The following SIPA1L1 variants were observed in gnomAD, a reference collection of about 807,000 sequenced individuals.
SIPA1L1 encodes signal-induced proliferation-associated 1-like protein 1.
SIPA1L1 carries 26 observed loss-of-function variants against 162.7 expected under a neutral mutation model. That is an observed-to-expected ratio of 0.16 (90% CI 0.12 to 0.22). SIPA1L1 has a LOEUF of 0.22. Ranked by LOEUF, SIPA1L1 falls within the 10% of genes least tolerant of loss-of-function variation. SIPA1L1 has a pLI of 1.00. For synonymous variants in SIPA1L1, 829 were observed against 837.4 expected, an observed-to-expected ratio of 0.99 and a Z score of 0.17; for missense variants, 1,874 against 2,241.0, an observed-to-expected ratio of 0.84 and a Z score of 3.31.
chr14:71,572,310 C>T (rs1414591708), intron 4 of SIPA1L1, among the ~76,000 whole-genome samples: 2 of 152,146 alleles, frequency 1.3e-5, no homozygotes, highest in East Asian at 3.9e-4. Context: ...AATATTCGGA[C>T]CATAGCAACC....
chr14:71,488,785 T>C (rs2048984550), intron 2 of SIPA1L1, among the ~76,000 whole-genome samples: 1 of 152,214 alleles, frequency 6.6e-6, no homozygotes. Context: ...TTTGTTGGCA[T>C]CTTCTTCTGG....
chr14:71,680,599 A>G (rs1053298127), intron 12 of SIPA1L1, among the ~76,000 whole-genome samples: 4 of 152,234 alleles, frequency 2.6e-5, no homozygotes, highest in African/African-American at 7.2e-5. Context: ...TCTGAAGGAG[A>G]TAGAGACACA....
chr14:71,655,464 CT>C (rs1217330938), intron 8 of SIPA1L1, among the ~76,000 whole-genome samples: 2 of 152,228 alleles, frequency 1.3e-5, no homozygotes, highest in East Asian at 3.9e-4. Context: ...AAAATTATTT[CT>C]TTTCCTTTGA....
chr14:71,450,159 G>C (rs1291389283), intron 2 of SIPA1L1, among the ~76,000 whole-genome samples: 1 of 151,888 alleles, frequency 6.6e-6, no homozygotes, highest in Non-Finnish European at 1.5e-5. Flanking sequence ...TTACATTCTT[G>C]ATAGTGTGTT....
chr14:71,660,437 A>G (rs2043414500), intron 9 of SIPA1L1, among the ~76,000 whole-genome samples: 1 of 152,094 alleles, frequency 6.6e-6, no homozygotes, highest in Non-Finnish European at 1.5e-5. Context: ...CCCACCTGGC[A>G]GCCAATACTA....
At chr14:71,556,567 A>G (rs1326734459) in intron 4 of SIPA1L1, among the ~76,000 whole-genome samples, 1 of 152,252 alleles carries the variant, frequency 6.6e-6, no homozygotes, top group African/African-American at 2.4e-5. Context: ...GGAGCAGCTT[A>G]CAGAACTCAG....
chr14:71,717,560 A>G (rs1266299242), intron 17 of SIPA1L1, among the ~76,000 whole-genome samples: 1 of 152,250 alleles, frequency 6.6e-6, no homozygotes, highest in African/African-American at 2.4e-5. Flanking sequence ...TGTGAGTAAA[A>G]TGAAATTGCA....
At chr14:71,400,819 G>A (rs2041613898) in intron 2 of SIPA1L1, 1 of 152,112 alleles carries the variant, frequency 6.6e-6, no homozygotes, top group Admixed American at 6.5e-5. Flanking sequence ...GGAAAAAGTT[G>A]AAGCTCTCCT....
intron 17 of SIPA1L1, among the ~76,000 whole-genome samples, chr14:71,719,978 G>A (rs1286851786): frequency 6.6e-6 from 1 of 152,178 alleles, no homozygotes; most frequent in Non-Finnish European, 1.5e-5. Flanking sequence ...CACTCTGTGG[G>A]CCTGTAAGGT....
chr14:71,650,129 T>C (rs1373379353), intron 7 of SIPA1L1, among the ~76,000 whole-genome samples: 3 of 152,236 alleles, frequency 2.0e-5, no homozygotes, highest in Admixed American at 2.0e-4. Context: ...TTTTCATTTA[T>C]TTTTCTGGCC....
In SIPA1L1 at chr14:71,723,760, C is replaced by A. The variant is rs976092764; in HGVS notation, c.4322C>A (p.Ser1441Tyr). Reference protein sequence around the residue: ...APSQLAPSFSSSSSSSSGPRS... With the variant: ...APSQLAPSFSYSSSSSSGPRS... ...TCACAGCTCGCACCATCCTTCTCCTCCTCTTCCTCCTCCTCCTCTGGTCCT... is the reference window on the plus strand; with the variant it reads ...TCACAGCTCGCACCATCCTTCTCCTACTCTTCCTCCTCCTCCTCTGGTCCT... Residue 1441 changes from serine (S) to tyrosine (Y), a missense_variant, in exon 18 of 24, where the codon TCC becomes TAC. This residue lies in a region of SIPA1L1 where 936 missense variants were observed against 1,051.9 expected (regional missense o/e 0.89). Transcript: ENST00000381232. 6.8e-6 allele frequency: 11 copies of A among 1,614,216 alleles called. No homozygotes were observed. Among genetic ancestry groups the A allele is most frequent in the Non-Finnish European group, 9.3e-6 (11 of 1,180,038 alleles).
chr14:71,441,998 C>T (rs1419852546), intron 2 of SIPA1L1, among the ~76,000 whole-genome samples: 2 of 151,458 alleles, frequency 1.3e-5, no homozygotes, highest in Non-Finnish European at 2.9e-5. Context: ...AGGGTGAAAC[C>T]TCGTCTTCAC....
intron 2 of SIPA1L1, among the ~76,000 whole-genome samples, chr14:71,322,176 A>G (rs922425215): frequency 1.3e-5 from 2 of 152,186 alleles, no homozygotes; most frequent in African/African-American, 2.4e-5. Context: ...CGTTTCCTCT[A>G]TAAAGCAAAC....
intron 4 of SIPA1L1, among the ~76,000 whole-genome samples, chr14:71,554,114 C>T (rs1319123289): frequency 6.6e-6 from 1 of 152,092 alleles, no homozygotes; most frequent in Non-Finnish European, 1.5e-5. Flanking sequence ...GAACATGGTA[C>T]TGATACGTTA....
intron 2 of SIPA1L1, among the ~76,000 whole-genome samples, chr14:71,454,558 T>C (rs996493411): frequency 6.6e-6 from 1 of 152,234 alleles, no homozygotes; most frequent in African/African-American, 2.4e-5. Context: ...GAGGTGATTT[T>C]TTTAATTGAA....
At chr14:71,468,007 T>G (rs1272219995) in intron 2 of SIPA1L1, among the ~76,000 whole-genome samples, 37 of 48,512 alleles carry the variant, frequency 7.6e-4, no homozygotes, top group Middle Eastern at 0.033. Flanking sequence ...GTTAGAGGGG[T>G]GTGTGTGTGT....
At chr14:71,357,264 T>TG (rs1555403759) in intron 2 of SIPA1L1, among the ~76,000 whole-genome samples, 4 of 151,958 alleles carry the variant, frequency 2.6e-5, no homozygotes, top group Admixed American at 6.6e-5. Context: ...AAGTTTTTTT[T>TG]TGTGTGTGTG....
intron 4 of SIPA1L1, among the ~76,000 whole-genome samples, chr14:71,537,377 T>A (rs1246800329): frequency 6.6e-6 from 1 of 151,582 alleles, no homozygotes; most frequent in Non-Finnish European, 1.5e-5. Context: ...ATTTTTGGTA[T>A]TTTTTTTAGT....
At chr14:71,340,901 T>C (rs2035584549) in intron 2 of SIPA1L1, among the ~76,000 whole-genome samples, 1 of 152,198 alleles carries the variant, frequency 6.6e-6, no homozygotes, top group Non-Finnish European at 1.5e-5. Flanking sequence ...GTTGCACCAC[T>C]GCACTCCAGC....
Sources: allele counts gnomAD v4.1 joint callset (sites outside exome capture counted in the v4.1 genomes callset), GRCh38; gene constraint gnomAD v4.1.1; regional missense constraint gnomAD v4.1.1; transcripts MANE v1.5; gene names NCBI Gene and HGNC (gene_info 2026-07-23, HGNC 2026-07-21).